The following TRAF5 variants were observed in gnomAD, a reference collection of about 807,000 sequenced individuals.
TRAF5 encodes the protein TNF receptor-associated factor 5.
In TRAF5, 48 loss-of-function variants were observed where a neutral mutation model predicts 64.5. The ratio of observed to expected loss-of-function variants is 0.74; its 90% CI spans 0.59 to 0.95. TRAF5 has a LOEUF of 0.95. TRAF5 is among the 40% of genes least tolerant of loss of function. The pLI is 0.00. For missense variants in TRAF5, 545 were observed against 662.8 expected (o/e 0.82, Z 1.95); for synonymous variants, 206 against 240.5 (o/e 0.86, Z 1.33).
intron 1 of TRAF5, among the ~76,000 whole-genome samples, chr1:211,337,185 A>G (rs1457879919): frequency 2.0e-5 from 3 of 152,262 alleles, no homozygotes; most frequent in Non-Finnish European, 4.4e-5. Flanking sequence ...AGAAAAATGC[A>G]GTAGAAGGTG....
chr1:211,343,860 G>A (rs2280079), intron 1 of TRAF5, among the ~76,000 whole-genome samples: 17,743 of 152,138 alleles, frequency 0.12, 1,149 homozygotes, highest in South Asian at 0.2. Flanking sequence ...ATGGGAGCTC[G>A]AGGAACTGTC....
chr1:211,365,526 G>A (rs1387188470), intron 8 of TRAF5, 58 bp downstream of exon 8: 3 of 1,347,982 alleles, frequency 2.2e-6, no homozygotes, highest in Admixed American at 1.9e-5. Flanking sequence ...GGATTTACCT[G>A]CTCTATGCTG....
chr1:211,372,306 G>A lies in TRAF5; in HGVS notation c.1278G>A (p.Val426=), dbSNP rs147675295. 182 of 1,614,102 alleles carry A rather than the reference G, an allele frequency of 1.1e-4. 1 individual carries two copies. The African/African-American group carries it at 2.1e-3, about 18-fold the overall frequency. ...GAGAGGCGGTGGATGGGCACACAGT[G>A]TCCATCTTCAGCCAGTCCTTCTACA... ...KKREAVDGHT[V]SIFSQSFYTS... The change falls in exon 11 of 11, where the codon GTG becomes GTA. Residue 426 remains valine (V), a synonymous_variant. Coordinates refer to ENST00000261464, the MANE Select transcript of TRAF5 (RefSeq NM_001033910.3).
chr1:211,370,790 A>G (rs987976622), intron 9 of TRAF5, among the ~76,000 whole-genome samples: 1 of 152,194 alleles, frequency 6.6e-6, no homozygotes, highest in African/African-American at 2.4e-5. Context: ...AGGAAAAGGG[A>G]GGAGTAGTTT....
At chr1:211,334,137 T>C (rs1336895742) in intron 1 of TRAF5, among the ~76,000 whole-genome samples, 1 of 152,146 alleles carries the variant, frequency 6.6e-6, no homozygotes, top group African/African-American at 2.4e-5. Flanking sequence ...GGTGCAAGCC[T>C]CCAAGAGTCT....
Position 211,355,783 on chromosome 1 carries a change from T to C in TRAF5, c.277-584T>C, listed in dbSNP as rs116197041. Among the ~76,000 whole-genome samples the C allele has an allele frequency of 7.4e-4, 112 of 152,354 alleles. 1 individual carries two copies. Among genetic ancestry groups the C allele is most frequent in the African/African-American group, 2.6e-3 (110 of 41,584 alleles). ...CTTCAAAATAAAAATTCATTTTAAA[T>C]AATCCAAAGAAGAAAGTTTGGTGAC... On this transcript the variant is annotated intron_variant, in intron 3 of 10. Coordinates refer to ENST00000261464, the MANE Select transcript of TRAF5 (RefSeq NM_001033910.3).
chr1:211,354,276 G>T, intron 2 of TRAF5, 134 bp from the exon 3 acceptor site: 1 of 724,120 alleles, frequency 1.4e-6, no homozygotes, highest in Non-Finnish European at 2.3e-6. Context: ...CCCCTTCTGG[G>T]TAGAGGGAAC....
intron 1 of TRAF5, among the ~76,000 whole-genome samples, chr1:211,334,735 C>A (rs1162409177): frequency 6.6e-6 from 1 of 152,216 alleles, no homozygotes; most frequent in Non-Finnish European, 1.5e-5. Context: ...CTTAGCAGTT[C>A]AGGTGGTGGG....
chr1:211,351,432 G>A (rs945919751), intron 1 of TRAF5, among the ~76,000 whole-genome samples: 4 of 152,216 alleles, frequency 2.6e-5, no homozygotes, highest in African/African-American at 7.2e-5. Context: ...CACATGGGGG[G>A]TTAGAATTTC....
At chr1:211,341,689 G>A (rs1702451220) in intron 1 of TRAF5, among the ~76,000 whole-genome samples, 1 of 152,178 alleles carries the variant, frequency 6.6e-6, no homozygotes, top group Non-Finnish European at 1.5e-5. Flanking sequence ...AGGTTGATGG[G>A]GCATTGCCGG....
At chr1:211,362,593 T>C (rs1703220145) in intron 7 of TRAF5, among the ~76,000 whole-genome samples, 1 of 151,988 alleles carries the variant, frequency 6.6e-6, no homozygotes, top group Non-Finnish European at 1.5e-5. Context: ...GGTATGAGAA[T>C]CCCTTGAACC....
intron 1 of TRAF5, among the ~76,000 whole-genome samples, chr1:211,352,956 A>C (rs993574149): frequency 6.6e-6 from 1 of 152,206 alleles, no homozygotes; most frequent in Non-Finnish European, 1.5e-5. Context: ...CTGACAGGGT[A>C]ATTTAGCACC....
At chr1:211,361,372 T>A (rs1284813198) in intron 7 of TRAF5, among the ~76,000 whole-genome samples, 1 of 152,174 alleles carries the variant, frequency 6.6e-6, no homozygotes, top group Non-Finnish European at 1.5e-5. Flanking sequence ...GCTCTTGCAG[T>A]TGTGGGGGCT....
At chr1:211,369,656 T>C (rs1299887820) in intron 9 of TRAF5, 64 bp downstream of exon 9, 2 of 1,423,168 alleles carry the variant, frequency 1.4e-6, no homozygotes, top group African/African-American at 2.9e-5. Context: ...GAGTTTTTCT[T>C]TTAACTTCTT....
In TRAF5 at chr1:211,359,912, GATCACCTTCAGC is replaced by G. The variant is rs771825672; in HGVS notation, c.381_392del (p.Asp127_Gln131delinsGlu). 1 of 1,613,910 alleles carries G rather than the reference GATCACCTTCAGC, an allele frequency of 6.2e-7. No homozygotes were observed. The highest frequency in any genetic ancestry group is 2.2e-5 in the East Asian group (1 of 44,882). On this transcript the variant is annotated inframe_deletion and splice_region_variant, in exon 5 of 11. Coordinates refer to ENST00000261464, the MANE Select transcript of TRAF5 (RefSeq NM_001033910.3). ...ACTGGCCTGTTGTTATCTGTTGCAG[GATCACCTTCAGC>G]AGTGCTTATTTCAACCTGTGCAGTG... is the stretch of plus-strand genomic sequence containing the variant.
In TRAF5 at chr1:211,365,488, A is replaced by C. The variant is rs776922574; in HGVS notation, c.789+20A>C. On this transcript the variant is annotated intron_variant, in intron 8 of 10. Transcript: ENST00000261464. ...GAACAGGTAAATCTTCAAAGGTTCAAATAAAAAGTGAGGCAACAGAATTGC... is the reference window on the plus strand; with the variant it reads ...GAACAGGTAAATCTTCAAAGGTTCACATAAAAAGTGAGGCAACAGAATTGC... 8 of 1,594,874 alleles carry C rather than the reference A, an allele frequency of 5.0e-6. No homozygotes were observed. Among genetic ancestry groups the C allele is most frequent in the South Asian group, 1.1e-5 (1 of 89,812 alleles).
At chr1:211,357,662 G>A (rs1369382416) in intron 4 of TRAF5, 1 of 151,794 alleles carries the variant, frequency 6.6e-6, no homozygotes, top group Admixed American at 6.6e-5. Context: ...GACTGTTTGG[G>A]TGAGAGTTGA....
At chr1:211,338,049 C>T (rs1225140351) in intron 1 of TRAF5, among the ~76,000 whole-genome samples, 4 of 152,114 alleles carry the variant, frequency 2.6e-5, no homozygotes, top group Non-Finnish European at 4.4e-5. Flanking sequence ...AGAGCAGGTC[C>T]AGCACCAGCC....
At chr1:211,340,260 C>T (rs1406288368) in intron 1 of TRAF5, among the ~76,000 whole-genome samples, 1 of 152,126 alleles carries the variant, frequency 6.6e-6, no homozygotes, top group African/African-American at 2.4e-5. Context: ...ATTCACTTTA[C>T]GAGTGTTTGT....
Sources: gnomAD v4.1 joint callset for allele counts (sites outside exome capture counted in the v4.1 genomes callset) on GRCh38, gnomAD v4.1.1 for gene constraint, MANE v1.5 for transcripts, NCBI Gene and HGNC (gene_info 2026-07-23, HGNC 2026-07-21) for gene names.